CERS6: variants seen among roughly 807,000 people sequenced by gnomAD.
The protein encoded by CERS6 is LAG1 homolog, ceramide synthase 6.
CERS6 carries 26 observed loss-of-function variants against 56.8 expected under a neutral mutation model. The ratio of observed to expected loss-of-function variants is 0.46; its 90% CI spans 0.34 to 0.63. The LOEUF is 0.63. Ranked by LOEUF, CERS6 falls within the 30% of genes least tolerant of loss-of-function variation. CERS6 has a pLI of 0.01. For synonymous variants in CERS6, 164 were observed against 173.3 expected (o/e 0.95, Z 0.42); for missense variants, 415 against 467.5 (o/e 0.89, Z 1.04).
intron 4 of CERS6, among the ~76,000 whole-genome samples, chr2:168,684,859 CA>C (rs767747336): frequency 3.9e-5 from 6 of 152,164 alleles, no homozygotes; most frequent in Non-Finnish European, 5.9e-5. Context: ...GGAACTTAGA[CA>C]TTGGACTTAG....
intron 1 of CERS6, among the ~76,000 whole-genome samples, chr2:168,504,418 T>C (rs946550735): frequency 2.6e-5 from 4 of 151,866 alleles, no homozygotes; most frequent in African/African-American, 9.7e-5. Flanking sequence ...AGGGTAGAGT[T>C]GTGGGGGAAG....
At chr2:168,625,229 G>A (rs1684564180) in intron 3 of CERS6, among the ~76,000 whole-genome samples, 1 of 152,114 alleles carries the variant, frequency 6.6e-6, no homozygotes. Flanking sequence ...CTCTAGCAAT[G>A]TATCTTAGTT....
chr2:168,588,108 G>A (rs1256909540), intron 3 of CERS6, among the ~76,000 whole-genome samples: 1 of 148,316 alleles, frequency 6.7e-6, no homozygotes, highest in African/African-American at 2.5e-5. Context: ...GGTAGAGATG[G>A]GATCTCTCTC....
At chr2:168,761,306 G>A (rs1684575507) in intron 8 of CERS6, among the ~76,000 whole-genome samples, 1 of 152,076 alleles carries the variant, frequency 6.6e-6, no homozygotes, top group African/African-American at 2.4e-5. Context: ...TATAAATCCT[G>A]ATGCAGTGTT....
At chr2:168,556,036 G>T (rs2105377773) in intron 2 of CERS6, among the ~76,000 whole-genome samples, 1 of 151,986 alleles carries the variant, frequency 6.6e-6, no homozygotes, top group African/African-American at 2.4e-5. Context: ...ATGGTGACAT[G>T]GTTACTATAG....
At chr2:168,615,360 A>T (rs1684290500) in intron 3 of CERS6, among the ~76,000 whole-genome samples, 1 of 152,174 alleles carries the variant, frequency 6.6e-6, no homozygotes, top group Admixed American at 6.5e-5. Context: ...GATCCAAACC[A>T]AGAAGAAATC....
At chr2:168,540,101 T>TCA (rs1695339571) in intron 1 of CERS6, among the ~76,000 whole-genome samples, 1 of 152,138 alleles carries the variant, frequency 6.6e-6, no homozygotes, top group Admixed American at 6.5e-5. Flanking sequence ...AGTTTCCTTT[T>TCA]CACTTTCATT....
intron 3 of CERS6, among the ~76,000 whole-genome samples, chr2:168,580,591 A>C (rs891569308): frequency 6.6e-6 from 1 of 152,162 alleles, no homozygotes; most frequent in Non-Finnish European, 1.5e-5. Context: ...AAAGATTTGC[A>C]CACATATTTA....
intron 5 of CERS6, among the ~76,000 whole-genome samples, chr2:168,692,337 A>G (rs1426250700): frequency 6.6e-6 from 1 of 152,202 alleles, no homozygotes; most frequent in African/African-American, 2.4e-5. Flanking sequence ...GTGTATGTCT[A>G]CATTTCTGTT....
At chr2:168,704,098 C>T (rs542294660) in intron 6 of CERS6, among the ~76,000 whole-genome samples, 3 of 151,944 alleles carry the variant, frequency 2.0e-5, no homozygotes, top group African/African-American at 7.2e-5. Context: ...CGCTGGCAAT[C>T]AAGCATCCAA....
chr2:168,701,601 A>G (rs1686805432), intron 6 of CERS6, among the ~76,000 whole-genome samples: 1 of 152,240 alleles, frequency 6.6e-6, no homozygotes, highest in Non-Finnish European at 1.5e-5. Context: ...TTGATGAAGC[A>G]GTAAAAACTA....
rs935758733 is a variant in CERS6, at chr2:168,766,239, G to T, written c.1002+491G>T. 6 of 1,298,204 alleles carry T rather than the reference G, an allele frequency of 4.6e-6. No individual in the cohort carries two copies. In the African/African-American group the frequency reaches 8.7e-5, roughly 19 times the overall value. 80.4% of individuals were successfully genotyped at this position (1,298,204 alleles called of 1,614,324 possible). A position where few individuals can be genotyped will look rare whatever the true frequency, so the allele number is the denominator to read the frequency against. On this transcript the variant is annotated intron_variant, in intron 9 of 9. Coordinates refer to ENST00000305747, the MANE Select transcript of CERS6 (RefSeq NM_203463.3). ...CTTCCTAAGCCTCAGCCCCAACCCT[G>T]TGTGTAGAGCAGAGACTTTTCCAGA...
intron 3 of CERS6, among the ~76,000 whole-genome samples, chr2:168,593,270 A>C (rs1335000021): frequency 6.6e-6 from 1 of 152,226 alleles, no homozygotes; most frequent in East Asian, 1.9e-4. Context: ...TAATATGCTT[A>C]CAGGTTCTGG....
chr2:168,568,423 G>A (rs1695921404), intron 3 of CERS6, among the ~76,000 whole-genome samples: 1 of 152,146 alleles, frequency 6.6e-6, no homozygotes, highest in Non-Finnish European at 1.5e-5. Flanking sequence ...ATTTGTTTCT[G>A]ATTCAGAGCA....
intron 3 of CERS6, 28 bp downstream of exon 3, chr2:168,561,350 A>G: frequency 6.2e-7 from 1 of 1,613,708 alleles, no homozygotes. Context: ...TTTTTGAAAG[A>G]AAAGACCTAA....
chr2:168,706,057 G>T (rs915725425), intron 6 of CERS6, among the ~76,000 whole-genome samples: 1 of 152,188 alleles, frequency 6.6e-6, no homozygotes. Flanking sequence ...GGCTCGTAGT[G>T]ATAGAGAGCT....
At chr2:168,543,211 A>G (rs1695405086) in intron 1 of CERS6, among the ~76,000 whole-genome samples, 1 of 152,268 alleles carries the variant, frequency 6.6e-6, no homozygotes, top group Non-Finnish European at 1.5e-5. Context: ...CAAATATAGT[A>G]CATGAAAGTA....
At chr2:168,704,619 G>T (rs575642047) in intron 6 of CERS6, among the ~76,000 whole-genome samples, 1 of 152,198 alleles carries the variant, frequency 6.6e-6, no homozygotes, top group South Asian at 2.1e-4. Flanking sequence ...TTGTTTGTTT[G>T]TTTTTTGAGA....
intron 1 of CERS6, among the ~76,000 whole-genome samples, chr2:168,469,943 T>C (rs1693946879): frequency 6.6e-6 from 1 of 152,080 alleles, no homozygotes; most frequent in Non-Finnish European, 1.5e-5. Flanking sequence ...TGCCACTCAC[T>C]CAGGTCCTGG....
Sources: allele counts gnomAD v4.1 joint callset (sites outside exome capture counted in the v4.1 genomes callset), GRCh38; gene constraint gnomAD v4.1.1; transcripts MANE v1.5; gene names NCBI Gene and HGNC (gene_info 2026-07-23, HGNC 2026-07-21).